GALNT18: variants seen among roughly 807,000 people sequenced by gnomAD.
GALNT18 encodes the protein GalNAc-transferase 18.
Under a neutral mutation model 69.5 loss-of-function variants are expected in GALNT18, and 44 were observed. The observed-to-expected ratio is 0.63, with a 90% CI of 0.50 to 0.81. The LOEUF is 0.81. GALNT18 is among the 40% of genes least tolerant of loss of function. The pLI, the probability that GALNT18 is intolerant of heterozygous loss-of-function variation, is 0.00. For missense variants in GALNT18, 715 were observed against 810.0 expected, an observed-to-expected ratio of 0.88 and a Z score of 1.42; for synonymous variants, 364 against 318.2, an observed-to-expected ratio of 1.14 and a Z score of -1.53.
rs749971566 is a variant in GALNT18, at chr11:11,617,827, C to T, written c.235+3532G>A. 6.6e-5 allele frequency among the ~76,000 whole-genome samples: 10 copies of T among 152,152 alleles called. No homozygotes were observed. The highest frequency in any genetic ancestry group is 1.9e-4 in the East Asian group (1 of 5,198). ...TCCTTTAGCAGATTCTTGCTTCATC[C>T]GCCTCACCGTGTCAAGCCATCAGAT... On this transcript the variant is annotated intron_variant, in intron 1 of 10. Coordinates refer to ENST00000227756, the MANE Select transcript of GALNT18 (RefSeq NM_198516.3). This position sits in a 1 kb window ranked among gnomAD's most constrained non-coding sequence, Gnocchi z 4.7.
At chr11:11,486,675 C>A (rs1450166972) in intron 1 of GALNT18, among the ~76,000 whole-genome samples, 3 of 152,244 alleles carry the variant, frequency 2.0e-5, no homozygotes, top group Non-Finnish European at 4.4e-5. Flanking sequence ...GCAGTCCCTG[C>A]CTTTTCTCTG....
rs1180227045 is a variant in GALNT18, at chr11:11,315,787, T to C, written c.1512+11299A>G. Among the ~76,000 whole-genome samples the C allele has an allele frequency of 1.3e-5, 2 of 152,132 alleles. No individual in the cohort carries two copies. Among genetic ancestry groups the C allele is most frequent in the East Asian group, 1.9e-4 (1 of 5,176 alleles). On this transcript the variant is annotated intron_variant, in intron 9 of 10. Coordinates refer to ENST00000227756, the MANE Select transcript of GALNT18 (RefSeq NM_198516.3). This position sits in a 1 kb window ranked among gnomAD's most constrained non-coding sequence, Gnocchi z 5.6. ...CATGTGGTACGGGCAGAACTGGGCC[T>C]GGACCCCCAGCCCTTATCTGACCTC...
intron 1 of GALNT18, among the ~76,000 whole-genome samples, chr11:11,498,109 A>G (rs1159057539): frequency 6.6e-6 from 1 of 152,326 alleles, no homozygotes. Flanking sequence ...TTCTTCTAGG[A>G]TTATGTACAT....
At chr11:11,440,600 C>G (rs1360073022) in intron 2 of GALNT18, among the ~76,000 whole-genome samples, 2 of 152,162 alleles carry the variant, frequency 1.3e-5, no homozygotes, top group African/African-American at 4.8e-5. Flanking sequence ...AGAAATTACT[C>G]CCCCAGGGAC....
intron 3 of GALNT18, among the ~76,000 whole-genome samples, chr11:11,392,585 C>A (rs1208312295): frequency 6.6e-6 from 1 of 152,210 alleles, no homozygotes; most frequent in Non-Finnish European, 1.5e-5. Flanking sequence ...CGCCATCACA[C>A]TCTAGCCTGG....
intron 9 of GALNT18, among the ~76,000 whole-genome samples, chr11:11,296,246 G>A (rs1849398647): frequency 2.0e-5 from 3 of 152,118 alleles, no homozygotes; most frequent in Admixed American, 6.5e-5. Context: ...TATGAGAAGT[G>A]CCCCTGCTTC....
At chr11:11,615,525 A>T (rs1860022438) in intron 1 of GALNT18, among the ~76,000 whole-genome samples, 1 of 152,234 alleles carries the variant, frequency 6.6e-6, no homozygotes, top group Non-Finnish European at 1.5e-5. Context: ...AGATGTTACA[A>T]GAACACCACC....
chr11:11,324,952 C>T (rs1208588021), intron 9 of GALNT18, among the ~76,000 whole-genome samples: 4 of 152,144 alleles, frequency 2.6e-5, no homozygotes, highest in Admixed American at 6.5e-5. Flanking sequence ...TATGGATATT[C>T]CTTCAAGAAC....
Position 11,363,190 on chromosome 11 carries a change from G to A in GALNT18, c.1092+9325C>T, listed in dbSNP as rs183177841. On this transcript the variant is annotated intron_variant, in intron 6 of 10. Transcript: ENST00000227756. Reference sequence around the variant, plus strand: ...TAGAAAACAGGATGAAGAGAACAACGCTGAAAGTTCCTTATTTTGTAGATT... The same window carrying A: ...TAGAAAACAGGATGAAGAGAACAACACTGAAAGTTCCTTATTTTGTAGATT... Among the ~76,000 whole-genome samples the A allele has an allele frequency of 4.6e-5, 7 of 152,134 alleles. No individual in the cohort carries two copies. In the South Asian group the frequency reaches 1.5e-3, roughly 32 times the overall value.
At position 11,591,059 on chromosome 11, in the gene GALNT18, T is replaced by C. The variant is rs1859345941; in HGVS notation, c.235+30300A>G. Among the ~76,000 whole-genome samples, 1 of 152,140 alleles carries C rather than the reference T, an allele frequency of 6.6e-6. No individual in the cohort carries two copies. Among genetic ancestry groups the C allele is most frequent in the African/African-American group, 2.4e-5 (1 of 41,440 alleles). On this transcript the variant is annotated intron_variant, in intron 1 of 10. Transcript: ENST00000227756. The surrounding 1 kb of genome is among the most constrained non-coding windows in gnomAD (Gnocchi z 4.8). ...ATTCCAGAAGAAGGCATTATCATCA[T>C]AGCAGATGACAGCTCTATGCATGTT...
At chr11:11,406,538 G>A (rs2171344) in intron 3 of GALNT18, among the ~76,000 whole-genome samples, 89,439 of 152,078 alleles carry the variant, frequency 0.59, 26,449 homozygotes, top group East Asian at 0.72. Context: ...GAAATGGTTC[G>A]ACATTTATGT....
chr11:11,403,691 C>A (rs1201276457), intron 3 of GALNT18, among the ~76,000 whole-genome samples: 1 of 152,192 alleles, frequency 6.6e-6, no homozygotes, highest in Non-Finnish European at 1.5e-5. Flanking sequence ...CCAGTGCCCA[C>A]CACCTGGGGA....
intron 1 of GALNT18, among the ~76,000 whole-genome samples, chr11:11,608,392 C>T (rs1355149906): frequency 6.6e-6 from 1 of 151,922 alleles, no homozygotes; most frequent in Non-Finnish European, 1.5e-5. Context: ...CAGAGTCTTG[C>T]TCTGTCACCC....
At chr11:11,553,013 G>C (rs1304531595) in intron 1 of GALNT18, among the ~76,000 whole-genome samples, 1 of 152,096 alleles carries the variant, frequency 6.6e-6, no homozygotes, top group African/African-American at 2.4e-5. Context: ...GTTTAATCTA[G>C]ATCAGTAGTT....
At chr11:11,290,649 C>A (rs576326132) in intron 10 of GALNT18, among the ~76,000 whole-genome samples, 82 of 152,300 alleles carry the variant, frequency 5.4e-4, no homozygotes, top group African/African-American at 1.9e-3. Context: ...ACCAGGCTCC[C>A]AGGTTCTTAA....
chr11:11,458,038 G>C (rs1293944575), intron 1 of GALNT18, among the ~76,000 whole-genome samples: 1 of 152,170 alleles, frequency 6.6e-6, no homozygotes, highest in African/African-American at 2.4e-5. Flanking sequence ...AGTACACTTG[G>C]GGTGCAGACC....
In GALNT18 at chr11:11,605,127, C is replaced by T. The variant is rs932588692; in HGVS notation, c.235+16232G>A. 3.3e-5 allele frequency among the ~76,000 whole-genome samples: 5 copies of T among 152,116 alleles called. No homozygotes were observed. The highest frequency in any genetic ancestry group is 4.8e-5 in the African/African-American group (2 of 41,414). On this transcript the variant is annotated intron_variant, in intron 1 of 10. Coordinates refer to ENST00000227756, the MANE Select transcript of GALNT18 (RefSeq NM_198516.3). This position sits in a 1 kb window ranked among gnomAD's most constrained non-coding sequence, Gnocchi z 4.7. ...CTCCGGCTAATGGGCTGTGCTGTCC[C>T]GACAGGCAGAGTCTGAGGAGGAACT...
chr11:11,563,363 C>T lies in GALNT18; in HGVS notation c.235+57996G>A, dbSNP rs1194343074. ...TAAGGCTTGTTGGTAGAGGAACAGC[C>T]GAGATCTGGACAGACAGGGTCTGCT... On this transcript the variant is annotated intron_variant, in intron 1 of 10. Coordinates refer to ENST00000227756, the MANE Select transcript of GALNT18 (RefSeq NM_198516.3). The surrounding 1 kb of genome is among the most constrained non-coding windows in gnomAD (Gnocchi z 4.6). 5.9e-5 allele frequency among the ~76,000 whole-genome samples: 9 copies of T among 152,316 alleles called. No homozygotes were observed. In the South Asian group the frequency reaches 1.7e-3, roughly 28 times the overall value.
chr11:11,528,249 T>C (rs1019529759), intron 1 of GALNT18, among the ~76,000 whole-genome samples: 1 of 152,192 alleles, frequency 6.6e-6, no homozygotes, highest in African/African-American at 2.4e-5. Context: ...ACGTATAGAC[T>C]AGGAAGGCTA....
Sources: allele counts gnomAD v4.1 joint callset (sites outside exome capture counted in the v4.1 genomes callset), GRCh38; gene constraint gnomAD v4.1.1; non-coding constraint Gnocchi (gnomAD v3.1); transcripts MANE v1.5; gene names NCBI Gene and HGNC (gene_info 2026-07-23, HGNC 2026-07-21).